EYS: variants seen among roughly 807,000 people sequenced by gnomAD.
EYS encodes EGF-like photoreceptor maintenance factor, also known as protein eyes shut homolog.
Under a neutral mutation model 282.1 loss-of-function variants are expected in EYS, and 250 were observed. The observed-to-expected ratio is 0.89, with a 90% CI of 0.80 to 0.98. EYS has a LOEUF of 0.98. Among genes scored for constraint, EYS ranks in the 50% least tolerant of loss-of-function variants. The pLI, the probability that EYS is intolerant of heterozygous loss-of-function variation, is 0.00. For missense variants in EYS, 4,016 were observed against 3,709.0 expected, an observed-to-expected ratio of 1.08 and a Z score of -2.15; for synonymous variants, 1,355 against 1,282.9, an observed-to-expected ratio of 1.06 and a Z score of -1.20.
chr6:65,018,669 G>A (rs1317791359), intron 13 of EYS, among the ~76,000 whole-genome samples: 1 of 152,080 alleles, frequency 6.6e-6, no homozygotes, highest in Non-Finnish European at 1.5e-5. Flanking sequence ...AGGTTTTTCT[G>A]TATGTTGGTT....
At chr6:64,369,735 GTC>G (rs1772295582) in intron 29 of EYS, among the ~76,000 whole-genome samples, 1 of 151,838 alleles carries the variant, frequency 6.6e-6, no homozygotes, top group African/African-American at 2.4e-5. Flanking sequence ...CATAGTCTTT[GTC>G]CTAAAGCTCT....
At chr6:65,397,583 GGTGTGTGTGTGTGTGTGTGTGTGTGT>G (rs58522364) in intron 7 of EYS, among the ~76,000 whole-genome samples, 2 of 138,194 alleles carry the variant, frequency 1.4e-5, no homozygotes, top group Non-Finnish European at 3.1e-5. Context: ...TGTATTTCAT[GGTGTGTGTGTGTGTGTGTGTGTGTGT>G]GTGTGTGTGT....
intron 12 of EYS, among the ~76,000 whole-genome samples, chr6:65,163,280 C>G (rs1022492432): frequency 1.7e-4 from 25 of 151,072 alleles, no homozygotes; most frequent in Middle Eastern, 3.4e-3. Context: ...AAACACAGTT[C>G]GTAAGGTTTA....
chr6:63,885,884 T>G (rs1365855042), intron 35 of EYS, among the ~76,000 whole-genome samples: 1 of 152,224 alleles, frequency 6.6e-6, no homozygotes, highest in African/African-American at 2.4e-5. Context: ...TGTACTCTTT[T>G]GAGCAATATT....
At chr6:64,757,106 A>G (rs1937273711) in intron 22 of EYS, among the ~76,000 whole-genome samples, 2 of 152,190 alleles carry the variant, frequency 1.3e-5, no homozygotes, top group Admixed American at 6.5e-5. Flanking sequence ...CCTGTCTTCA[A>G]TATATTTTTC....
intron 11 of EYS, among the ~76,000 whole-genome samples, chr6:65,305,184 G>A (rs1053531602): frequency 8.6e-5 from 13 of 151,252 alleles, no homozygotes; most frequent in African/African-American, 1.5e-4. Flanking sequence ...CATCTTTTGA[G>A]AAAAAAGTTC....
intron 40 of EYS, among the ~76,000 whole-genome samples, chr6:63,768,136 A>G (rs568739574): frequency 1.8e-4 from 27 of 152,230 alleles, no homozygotes; most frequent in Admixed American, 4.6e-4. Flanking sequence ...AAGAAAACCT[A>G]GGAAATACCA....
chr6:65,021,745 A>G (rs1772259154), intron 13 of EYS, among the ~76,000 whole-genome samples: 1 of 152,172 alleles, frequency 6.6e-6, no homozygotes, highest in African/African-American at 2.4e-5. Context: ...GACTGGGGTA[A>G]TTTCAAAGGG....
At position 64,352,072 on chromosome 6, in the gene EYS, CAT is replaced by C. The variant is rs532535200; in HGVS notation, c.6078+36616_6078+36617del. Among the ~76,000 whole-genome samples the C allele has an allele frequency of 1.3e-4, 19 of 151,640 alleles. No individual in the cohort carries two copies. In the South Asian group the frequency reaches 3.1e-3, roughly 25 times the overall value. ...ACCTCCTATATTAATCTTTACTTCA[CAT>C]GTTTCTTTAAAACAACCCAGGACCA... On this transcript the variant is annotated intron_variant, in intron 29 of 42. Coordinates refer to ENST00000503581, the MANE Select transcript of EYS (RefSeq NM_001142800.2).
chr6:65,430,383 G>A (rs1000143914), intron 5 of EYS, among the ~76,000 whole-genome samples: 3 of 152,126 alleles, frequency 2.0e-5, no homozygotes, highest in African/African-American at 7.2e-5. Flanking sequence ...AATCCCAGCA[G>A]TCCTGACTTG....
chr6:64,082,666 CTTAG>C (rs1240246366), intron 31 of EYS, among the ~76,000 whole-genome samples: 4 of 151,850 alleles, frequency 2.6e-5, no homozygotes, highest in Non-Finnish European at 5.9e-5. Flanking sequence ...TTCAATAATA[CTTAG>C]TTATTTTATA....
intron 33 of EYS, among the ~76,000 whole-genome samples, chr6:64,013,104 A>G (rs1768722017): frequency 6.6e-6 from 1 of 152,182 alleles, no homozygotes; most frequent in Admixed American, 6.6e-5. Context: ...CCTGTGATGT[A>G]CTGATATTAA....
At chr6:65,222,911 A>G (rs1766508490) in intron 12 of EYS, among the ~76,000 whole-genome samples, 1 of 152,190 alleles carries the variant, frequency 6.6e-6, no homozygotes, top group South Asian at 2.1e-4. Flanking sequence ...AACAGAAAAC[A>G]CGTGAAATAA....
chr6:65,316,529 A>T (rs1405930742), intron 11 of EYS, among the ~76,000 whole-genome samples: 1 of 150,316 alleles, frequency 6.7e-6, no homozygotes, highest in Non-Finnish European at 1.5e-5. Flanking sequence ...TGTGTAGAAC[A>T]TACAGGTTTG....
rs535403077 is a variant in EYS at position 65,028,154 on chromosome 6, G to A, written c.2137+29460C>T. ...TCATGGAGTATTAAGATCAATTTCTGTTAACTTTTTATTTTTATATAGCTT... is the reference window on the plus strand; with the variant it reads ...TCATGGAGTATTAAGATCAATTTCTATTAACTTTTTATTTTTATATAGCTT... On this transcript the variant is annotated intron_variant, in intron 13 of 42. Transcript: ENST00000503581. Among the ~76,000 whole-genome samples the A allele has an allele frequency of 2.6e-5, 4 of 151,982 alleles. No homozygotes were observed. The East Asian group carries it at 7.7e-4, about 29-fold the overall frequency.
chr6:64,091,126 A>C (rs1242888643), intron 31 of EYS, among the ~76,000 whole-genome samples: 2 of 152,178 alleles, frequency 1.3e-5, no homozygotes, highest in Non-Finnish European at 2.9e-5. Flanking sequence ...TTTTGAAATT[A>C]ATAAATTTGT....
intron 15 of EYS, among the ~76,000 whole-genome samples, chr6:64,915,315 T>C (rs1389340411): frequency 1.3e-5 from 2 of 152,148 alleles, no homozygotes; most frequent in Non-Finnish European, 2.9e-5. Context: ...CCTCCACCAT[T>C]AAACTTCTGG....
chr6:65,079,270 C>T (rs1284750214), intron 12 of EYS, among the ~76,000 whole-genome samples: 1 of 151,864 alleles, frequency 6.6e-6, no homozygotes, highest in African/African-American at 2.4e-5. Flanking sequence ...AATCAGTAGA[C>T]ACATGGTTGA....
At chr6:64,506,209 G>C (rs559584680) in intron 26 of EYS, among the ~76,000 whole-genome samples, 58 of 152,062 alleles carry the variant, frequency 3.8e-4, no homozygotes, top group East Asian at 3.3e-3. Context: ...TCTGGTTATG[G>C]GACATTGCAT....
Sources: gnomAD v4.1 joint callset for allele counts (sites outside exome capture counted in the v4.1 genomes callset) on GRCh38, gnomAD v4.1.1 for gene constraint, MANE v1.5 for transcripts, NCBI Gene and HGNC (gene_info 2026-07-23, HGNC 2026-07-21) for gene names.